Variants in CDC42BPA observed in about 807,000 individuals in gnomAD.
CDC42BPA encodes serine/threonine-protein kinase MRCK alpha.
In CDC42BPA, 80 loss-of-function variants were observed where a neutral mutation model predicts 223.5. That is an observed-to-expected ratio of 0.36 (90% confidence interval 0.30 to 0.43). The LOEUF is 0.43. Ranked by LOEUF, CDC42BPA falls within the 20% of genes least tolerant of loss-of-function variation. The pLI is 1.00. For synonymous variants in CDC42BPA, 694 were observed against 718.6 expected, an observed-to-expected ratio of 0.97 and a Z score of 0.55; for missense variants, 1,743 against 2,099.9, an observed-to-expected ratio of 0.83 and a Z score of 3.32.
intron 1 of CDC42BPA, among the ~76,000 whole-genome samples, chr1:227,267,119 T>G (rs1546558): frequency 0.098 from 14,899 of 152,208 alleles, 1,169 homozygotes; most frequent in East Asian, 0.36. Context: ...AAAAGTTTGG[T>G]CCTACTAAGA....
intron 32 of CDC42BPA, among the ~76,000 whole-genome samples, chr1:227,018,196 G>A (rs1666686678): frequency 6.6e-6 from 1 of 152,028 alleles, no homozygotes; most frequent in Non-Finnish European, 1.5e-5. Flanking sequence ...ACAGGCACAT[G>A]CGCCACCATG....
intron 1 of CDC42BPA, among the ~76,000 whole-genome samples, chr1:227,303,184 T>C (rs1691964063): frequency 6.6e-6 from 1 of 152,210 alleles, no homozygotes; most frequent in African/African-American, 2.4e-5. Flanking sequence ...TCCAAATCCT[T>C]GGGTGAAACC....
chr1:227,155,696 A>G lies in CDC42BPA; in HGVS notation c.693+4847T>C, dbSNP rs1250414749. On this transcript the variant is annotated intron_variant, in intron 6 of 36. Transcript: ENST00000366766. ...ATTACACGGGAAATTAAGCAGAGCA[A>G]AGTGGTCACTTACACCAGGAAGAAT... 2.6e-5 allele frequency among the ~76,000 whole-genome samples: 4 copies of G among 152,212 alleles called. 1 individual carries two copies. Among genetic ancestry groups the G allele is most frequent in the Non-Finnish European group, 5.9e-5 (4 of 68,026 alleles).
At chr1:227,265,044 T>C (rs1684746362) in intron 1 of CDC42BPA, 3 of 786,108 alleles carry the variant, frequency 3.8e-6, no homozygotes, top group Non-Finnish European at 2.4e-6. Context: ...TTTGGCTTCA[T>C]GGACGCAGCA....
intron 21 of CDC42BPA, chr1:227,069,529 A>G (rs1031651982): frequency 1.7e-5 from 5 of 297,740 alleles, no homozygotes; most frequent in African/African-American, 4.3e-5. Flanking sequence ...AGGGAGATGA[A>G]ATTGCTTTTA....
rs1169250349 is a variant in CDC42BPA at position 226,993,805 on chromosome 1, T to C, written c.*463A>G. The C allele has an allele frequency of 6.4e-6, 1 of 157,328 alleles. No individual in the cohort carries two copies. Among genetic ancestry groups the C allele is most frequent in the Non-Finnish European group, 1.4e-5 (1 of 70,550 alleles). The allele number at this position is 157,328 out of a possible 1,614,324, so 9.7% of individuals were successfully genotyped here. On this transcript the variant is annotated 3_prime_UTR_variant, in exon 37 of 37. Coordinates refer to ENST00000366766, the MANE Select transcript of CDC42BPA (RefSeq NM_001394014.1). ...GATTTCCTGGCAACAATCAGGTTGA[T>C]ACTCACTGCGTTTGCTGATTAAGAG... is the stretch of plus-strand genomic sequence containing the variant.
intron 14 of CDC42BPA, among the ~76,000 whole-genome samples, chr1:227,108,617 T>TC (rs1219427786): frequency 6.6e-6 from 1 of 152,156 alleles, no homozygotes; most frequent in Non-Finnish European, 1.5e-5. Flanking sequence ...TCTCTCAGTA[T>TC]CCATAGGGCA....
At chr1:227,046,893 ACTG>A (rs66529109) in intron 23 of CDC42BPA, among the ~76,000 whole-genome samples, 30,950 of 151,876 alleles carry the variant, frequency 0.2, 3,231 homozygotes, top group Middle Eastern at 0.26. Flanking sequence ...GTGTTATTTC[ACTG>A]CTGTTGTTTT....
Position 227,112,855 on chromosome 1 carries a change from T to C in CDC42BPA, c.1706A>G (p.His569Arg), listed in dbSNP as rs766444066. 1.9e-6 allele frequency: 3 copies of C among 1,614,090 alleles called. No homozygotes were observed. The highest frequency in any genetic ancestry group is 8.5e-7 in the Non-Finnish European group (1 of 1,179,948). Residue 569 changes from histidine to arginine, a missense_variant, in exon 13 of 37, where the codon CAC becomes CGC. His to Arg is a conservative substitution (Grantham distance 29, BLOSUM62 0). Around this residue, in one of 6 missense-constraint regions of CDC42BPA, gnomAD observed 464 missense variants for 488.0 expected, o/e 0.95. Coordinates refer to ENST00000366766, the MANE Select transcript of CDC42BPA (RefSeq NM_001394014.1). ...KNQSKELKDA[H>R]CQRKLAMQEF... ...CTGCATGGCCAGTTTCCTCTGACAG[T>C]GTGCGTCTTTCAGCTCTTTGGATTG...
At chr1:227,276,332 G>A (rs1366912422) in intron 1 of CDC42BPA, among the ~76,000 whole-genome samples, 2 of 150,222 alleles carry the variant, frequency 1.3e-5, no homozygotes, top group Non-Finnish European at 3.0e-5. Flanking sequence ...TGGGAGGTGA[G>A]GAGCGTCTCT....
At position 227,017,055 on chromosome 1, in the gene CDC42BPA, TAAAATA is replaced by T; in HGVS notation, c.4616-11_4616-6del. The T allele has an allele frequency of 6.2e-7, 1 of 1,606,212 alleles. No individual in the cohort carries two copies. Among genetic ancestry groups the T allele is most frequent in the Non-Finnish European group, 8.5e-7 (1 of 1,176,904 alleles). ...GTACTACCAGTTCGTCCCCTTCTGT[TAAAATA>T]AAAATACAAACGATAATGATGTTCT... On this transcript the variant is annotated splice_polypyrimidine_tract_variant and splice_region_variant and intron_variant, in intron 32 of 36. Coordinates refer to ENST00000366766, the MANE Select transcript of CDC42BPA (RefSeq NM_001394014.1).
chr1:227,144,011 C>T (rs1660199801), intron 8 of CDC42BPA, among the ~76,000 whole-genome samples: 1 of 152,036 alleles, frequency 6.6e-6, no homozygotes, highest in African/African-American at 2.4e-5. Context: ...GAAGTTTAGA[C>T]AGGAAAGTAT....
intron 4 of CDC42BPA, among the ~76,000 whole-genome samples, chr1:227,195,322 T>C (rs1670487070): frequency 6.6e-6 from 1 of 152,142 alleles, no homozygotes; most frequent in Non-Finnish European, 1.5e-5. Context: ...GCTTCCCAAG[T>C]AGCTGGGATT....
chr1:227,069,621 C>G, intron 21 of CDC42BPA, 156 bp downstream of exon 21: 1 of 520,778 alleles, frequency 1.9e-6, no homozygotes, highest in East Asian at 3.1e-5. Context: ...CATAAGAATG[C>G]AGAACATATT....
In CDC42BPA at chr1:227,014,209, A is replaced by C. The variant is rs561409081; in HGVS notation, c.4857+1871T>G. On this transcript the variant is annotated intron_variant, in intron 34 of 36. Coordinates refer to ENST00000366766, the MANE Select transcript of CDC42BPA (RefSeq NM_001394014.1). ...AAAAATAGTATAGCTTTTAAACATG[A>C]TAGAAAAGTATAATAGTTTTAATAT... is the stretch of plus-strand genomic sequence containing the variant. Among the ~76,000 whole-genome samples the C allele has an allele frequency of 5.2e-4, 79 of 152,242 alleles. No homozygotes were observed. The South Asian group carries it at 0.013, about 25-fold the overall frequency.
At chr1:227,218,761 T>C (rs181296059) in intron 2 of CDC42BPA, among the ~76,000 whole-genome samples, 80 of 152,328 alleles carry the variant, frequency 5.3e-4, no homozygotes, top group African/African-American at 1.9e-3. Flanking sequence ...ACAAAATGTA[T>C]AGAAATCACT....
chr1:227,168,504 T>G (rs12025876), intron 5 of CDC42BPA, among the ~76,000 whole-genome samples: 2 of 90,894 alleles, frequency 2.2e-5, no homozygotes, highest in African/African-American at 8.4e-5. Flanking sequence ...GGTGTTTTTT[T>G]TTTTTTTTTG....
chr1:227,139,243 T>C (rs144383518), intron 10 of CDC42BPA, among the ~76,000 whole-genome samples: 3 of 152,252 alleles, frequency 2.0e-5, no homozygotes, highest in Admixed American at 2.0e-4. Flanking sequence ...GCTAGAGCTC[T>C]TAAAGATTGA....
chr1:227,081,564 T>C (rs10916084), intron 16 of CDC42BPA, among the ~76,000 whole-genome samples: 30,376 of 151,930 alleles, frequency 0.2, 3,150 homozygotes, highest in East Asian at 0.26. Flanking sequence ...GCGATTCTCC[T>C]GTCTCAGCCT....
Sources: gnomAD v4.1 joint callset for allele counts (sites outside exome capture counted in the v4.1 genomes callset) on GRCh38, gnomAD v4.1.1 for gene constraint, gnomAD v4.1.1 regional missense constraint, MANE v1.5 for transcripts, NCBI Gene and HGNC (gene_info 2026-07-23, HGNC 2026-07-21) for gene names.